The following MIA2 variants were observed in gnomAD, a reference collection of about 807,000 sequenced individuals.
MIA2 encodes melanoma inhibitory activity protein 2.
In MIA2, 127 loss-of-function variants were observed where a neutral mutation model predicts 167.8. That is an observed-to-expected ratio of 0.76 (90% confidence interval 0.66 to 0.88). The LOEUF (loss-of-function observed/expected upper bound fraction) is 0.88, where lower values mean the gene tolerates loss of function less well. MIA2 is among the 40% of genes least tolerant of loss of function. MIA2 has a pLI of 0.00. For missense variants in MIA2, 1,690 were observed against 1,624.7 expected, an observed-to-expected ratio of 1.04 and a Z score of -0.69; for synonymous variants, 552 against 541.9, an observed-to-expected ratio of 1.02 and a Z score of -0.26.
chr14:39,320,759 G>T (rs1027845855), intron 23 of MIA2, among the ~76,000 whole-genome samples, 169 bp from the exon 24 acceptor site: 3 of 152,162 alleles, frequency 2.0e-5, no homozygotes, highest in African/African-American at 7.2e-5. Context: ...ACCAGGGTCT[G>T]TATTTAATTC....
intron 23 of MIA2, among the ~76,000 whole-genome samples, chr14:39,368,267 G>C (rs2074863680): frequency 6.6e-6 from 1 of 152,178 alleles, no homozygotes; most frequent in African/African-American, 2.4e-5. Flanking sequence ...AGTGAATGGA[G>C]AGAGAGAAGG....
intron 6 of MIA2, among the ~76,000 whole-genome samples, chr14:39,264,030 C>G (rs2055290073): frequency 6.6e-6 from 1 of 152,078 alleles, no homozygotes; most frequent in Non-Finnish European, 1.5e-5. Context: ...GAGATTTGGG[C>G]TTCTATTGAT....
rs1438304291 is a variant in MIA2, at chr14:39,346,008, C to T, written c.3760C>T (p.Pro1254Ser). Residue 1254 changes from proline (P) to serine (S), a missense_variant, in exon 26 of 29, where the codon CCT becomes TCT. By Grantham distance (74) the Pro-to-Ser change is moderately conservative. Transcript: ENST00000640607. The part of the protein sequence containing the change: ...GPAELRSFNM[P>S]SLDKMDGSMP... ...AGCAGAACTCAGAAGTTTTAATATG[C>T]CTTCTTTGGATAAAATGGGTAAGAA... 2 of 1,611,756 alleles carry T rather than the reference C, an allele frequency of 1.2e-6. No homozygotes were observed. Among genetic ancestry groups the T allele is most frequent in the African/African-American group, 1.3e-5 (1 of 74,842 alleles).
intron 3 of MIA2, among the ~76,000 whole-genome samples, chr14:39,241,815 G>C (rs992585892): frequency 6.6e-6 from 1 of 152,068 alleles, no homozygotes; most frequent in African/African-American, 2.4e-5. Context: ...CCCTGGCTTC[G>C]CATTCCCACA....
chr14:39,288,473 A>ATTT (rs1338351779), intron 9 of MIA2, among the ~76,000 whole-genome samples: 3 of 51,414 alleles, frequency 5.8e-5, no homozygotes, highest in African/African-American at 3.1e-4. Context: ...ATATATATAT[A>ATTT]TATTTTTTTT....
intron 3 of MIA2, among the ~76,000 whole-genome samples, chr14:39,241,514 T>C (rs917840529): frequency 6.6e-5 from 10 of 152,184 alleles, no homozygotes; most frequent in African/African-American, 2.4e-4. Context: ...AAAGCAGTGG[T>C]ACAATCAAAC....
intron 2 of MIA2, among the ~76,000 whole-genome samples, chr14:39,238,791 C>A (rs1429916836): frequency 6.0e-4 from 1 of 1,654 alleles, no homozygotes; most frequent in African/African-American, 4.3e-3. Context: ...GAGACCCTGT[C>A]TCAAAAAAAA....
intron 23 of MIA2, among the ~76,000 whole-genome samples, chr14:39,378,532 A>G (rs1240027777): frequency 1.3e-5 from 2 of 152,262 alleles, no homozygotes; most frequent in Non-Finnish European, 2.9e-5. Context: ...TGTGGATGAC[A>G]AAAGTCTTAG....
Position 39,302,151 on chromosome 14 carries a change from A to G in MIA2, c.2642A>G (p.Lys881Arg). ...HIKTLTERLL[K>R]MKDWAAMLGE... The stretch of plus-strand genomic sequence containing the variant: ...AAGACTCTGACTGAACGCTTGTTAA[A>G]GATGAAAGATTGGGCTGCTATGCTT... Residue 881 changes from lysine to arginine, a missense_variant, in exon 15 of 29, where the codon AAG becomes AGG. Coordinates refer to ENST00000640607, the MANE Select transcript of MIA2 (RefSeq NM_001329214.4). 1 of 1,613,740 alleles carries G rather than the reference A, an allele frequency of 6.2e-7. No individual in the cohort carries two copies. Among genetic ancestry groups the G allele is most frequent in the African/African-American group, 1.3e-5 (1 of 75,036 alleles).
At chr14:39,336,407 T>A (rs1237988684) in intron 25 of MIA2, among the ~76,000 whole-genome samples, 1 of 152,236 alleles carries the variant, frequency 6.6e-6, no homozygotes, top group Non-Finnish European at 1.5e-5. Context: ...CACTTTATTC[T>A]CATTATTTTC....
intron 23 of MIA2, among the ~76,000 whole-genome samples, chr14:39,370,984 G>A (rs867913405): frequency 1.3e-5 from 2 of 152,190 alleles, no homozygotes; most frequent in African/African-American, 4.8e-5. Context: ...TTTTATTCAA[G>A]TATCTTTTGA....
chr14:39,370,516 A>C (rs559064835), intron 23 of MIA2: 1 of 294,734 alleles, frequency 3.4e-6, no homozygotes, highest in African/African-American at 2.2e-5. Flanking sequence ...TTTGTAGGCC[A>C]GATTGTCATG....
intron 24 of MIA2, among the ~76,000 whole-genome samples, chr14:39,326,200 A>G (rs2067515665): frequency 6.6e-6 from 1 of 152,232 alleles, no homozygotes; most frequent in African/African-American, 2.4e-5. Flanking sequence ...TTGTCTTCAG[A>G]ACTTATGAAT....
At chr14:39,263,050 G>A (rs144333967) in intron 6 of MIA2, among the ~76,000 whole-genome samples, 176 of 152,274 alleles carry the variant, frequency 1.2e-3, no homozygotes, top group Middle Eastern at 3.4e-3. Flanking sequence ...TTCGAACACT[G>A]TGTTGAATAG....
intron 19 of MIA2, among the ~76,000 whole-genome samples, chr14:39,314,048 T>C (rs1327783668): frequency 6.6e-6 from 1 of 152,186 alleles, no homozygotes; most frequent in Non-Finnish European, 1.5e-5. Context: ...CCAAGTAACA[T>C]TTTACTTCAC....
intron 23 of MIA2, chr14:39,386,028 C>G (rs35904002): frequency 9.6e-7 from 1 of 1,045,522 alleles, no homozygotes; most frequent in South Asian, 1.4e-5. Context: ...GTCATGACAA[C>G]TCTGGGCCCG....
chr14:39,354,156 G>A (rs1437424678), downstream of MIA2, among the ~76,000 whole-genome samples: 1 of 152,184 alleles, frequency 6.6e-6, no homozygotes, highest in Non-Finnish European at 1.5e-5. Context: ...TTCCACAATG[G>A]TTGAACTAGT....
chr14:39,302,725 T>C (rs937837447), intron 15 of MIA2, among the ~76,000 whole-genome samples: 1 of 152,188 alleles, frequency 6.6e-6, no homozygotes, highest in Admixed American at 6.5e-5. Flanking sequence ...TGCTCTGAAG[T>C]TGGCAAAAGT....
chr14:39,361,474 T>A (rs1463037986), intron 23 of MIA2, among the ~76,000 whole-genome samples: 1 of 151,590 alleles, frequency 6.6e-6, no homozygotes, highest in Non-Finnish European at 1.5e-5. Context: ...GTTTCGCTCT[T>A]GTTGCCCAAG....
Sources: allele counts gnomAD v4.1 joint callset (sites outside exome capture counted in the v4.1 genomes callset), GRCh38; gene constraint gnomAD v4.1.1; transcripts MANE v1.5; gene names NCBI Gene and HGNC (gene_info 2026-07-23, HGNC 2026-07-21).